The following PDIA4 variants were observed in gnomAD, a reference collection of about 807,000 sequenced individuals.
The protein encoded by PDIA4 is protein disulfide isomerase family A member 4, also known as protein disulfide-isomerase A4.
A neutral mutation model predicts 62.1 loss-of-function variants in PDIA4; 33 were observed. The observed-to-expected ratio is 0.53, with a 90% CI of 0.40 to 0.71. PDIA4 has a LOEUF of 0.71. Among genes scored for constraint, PDIA4 ranks in the 30% least tolerant of loss-of-function variants. The pLI, the probability that PDIA4 is intolerant of heterozygous loss-of-function variation, is 0.00. For synonymous variants in PDIA4, 341 were observed against 324.1 expected (o/e 1.05, Z -0.56); for missense variants, 804 against 813.6 (o/e 0.99, Z 0.14).
In PDIA4 at chr7:149,013,812, C is replaced by T. The variant is rs537005828; in HGVS notation, c.614+1092G>A. On this transcript the variant is annotated intron_variant, in intron 4 of 9. Transcript: ENST00000652332. Reference sequence around the variant, plus strand: ...GCATCATCAACCACTTCAGGGAAATCGCACTACACTCGCTGAGCGTGCACT... The same window carrying T: ...GCATCATCAACCACTTCAGGGAAATTGCACTACACTCGCTGAGCGTGCACT... 1.9e-4 allele frequency among the ~76,000 whole-genome samples: 29 copies of T among 152,302 alleles called. No homozygotes were observed. The South Asian group carries it at 4.6e-3, about 24-fold the overall frequency.
intron 2 of PDIA4, 44 bp downstream of exon 2, chr7:149,020,923 G>A (rs1224309902): frequency 9.4e-6 from 15 of 1,600,236 alleles, no homozygotes; most frequent in Admixed American, 3.4e-5. Context: ...AGCGAATGGA[G>A]CACAGCGCTT....
intron 2 of PDIA4, among the ~76,000 whole-genome samples, chr7:149,019,511 G>C (rs956246128): frequency 6.6e-6 from 1 of 152,218 alleles, no homozygotes; most frequent in African/African-American, 2.4e-5. Flanking sequence ...CCTGAGGTCA[G>C]GAGTTTGAGA....
Sources: allele counts gnomAD v4.1 joint callset (sites outside exome capture counted in the v4.1 genomes callset), GRCh38; gene constraint gnomAD v4.1.1; transcripts MANE v1.5; gene names NCBI Gene and HGNC (gene_info 2026-07-23, HGNC 2026-07-21).